The following CFH variants were observed in gnomAD, a reference collection of about 807,000 sequenced individuals.
CFH encodes H factor 1 (complement).
Under a neutral mutation model 147.3 loss-of-function variants are expected in CFH, and 53 were observed. The ratio of observed to expected loss-of-function variants is 0.36; its 90% CI spans 0.29 to 0.45. The LOEUF is 0.45. Ranked by LOEUF, CFH falls within the 20% of genes least tolerant of loss-of-function variation. The pLI is 1.00. For synonymous variants in CFH, 536 were observed against 489.4 expected, an observed-to-expected ratio of 1.10 and a Z score of -1.26; for missense variants, 1,380 against 1,498.0, an observed-to-expected ratio of 0.92 and a Z score of 1.30.
intron 1 of CFH, among the ~76,000 whole-genome samples, chr1:196,656,796 A>G (rs1666710061): frequency 6.6e-6 from 1 of 151,900 alleles, no homozygotes; most frequent in Admixed American, 6.6e-5. Context: ...TAGCTATTCA[A>G]ATACACATTT....
intron 1 of CFH, among the ~76,000 whole-genome samples, chr1:196,654,638 A>G (rs1328505482): frequency 6.6e-6 from 1 of 152,180 alleles, no homozygotes; most frequent in Non-Finnish European, 1.5e-5. Flanking sequence ...TACTATATGA[A>G]ATTAGGCCAC....
intron 4 of CFH, among the ~76,000 whole-genome samples, chr1:196,676,345 C>T (rs754533934): frequency 4.6e-5 from 7 of 151,754 alleles, no homozygotes; most frequent in East Asian, 3.9e-4. Context: ...TGACTAGAAA[C>T]GCATATAAGC....
intron 1 of CFH, 62 bp from the exon 2 acceptor site, chr1:196,672,916 C>T: frequency 7.2e-7 from 1 of 1,393,412 alleles, no homozygotes; most frequent in Non-Finnish European, 1.0e-6. Flanking sequence ...CAACAATTAC[C>T]TAAATATACT....
At chr1:196,743,177 G>A (rs1652870679) in intron 19 of CFH, among the ~76,000 whole-genome samples, 1 of 152,000 alleles carries the variant, frequency 6.6e-6, no homozygotes, top group Admixed American at 6.6e-5. Context: ...GAAAACTTTC[G>A]TTTACACTGG....
intron 14 of CFH, among the ~76,000 whole-genome samples, 158 bp from the exon 15 acceptor site, chr1:196,728,188 T>C (rs560513295): frequency 6.6e-6 from 1 of 152,162 alleles, no homozygotes; most frequent in Non-Finnish European, 1.5e-5. Context: ...AATAGCATTT[T>C]GATGCAATGT....
rs558543476 is a variant in CFH at position 196,694,286 on chromosome 1, G to A, written c.1336+4047G>A. ...TTTTCTGTTCCTGTGTTAGTTTGCT[G>A]AAGATGATGGTTTCCAGCTTCGTCC... On this transcript the variant is annotated intron_variant, in intron 9 of 21. Transcript: ENST00000367429. 5.3e-5 allele frequency among the ~76,000 whole-genome samples: 8 copies of A among 152,180 alleles called. No individual in the cohort carries two copies. The South Asian group carries it at 1.7e-3, about 32-fold the overall frequency.
At chr1:196,695,352 C>T (rs10922097) in intron 9 of CFH, among the ~76,000 whole-genome samples, 97,552 of 151,732 alleles carry the variant, frequency 0.64, 31,792 homozygotes, top group East Asian at 0.95. Context: ...CTCTGTTCTG[C>T]TCCATTGGCC....
At chr1:196,702,142 G>C (rs1476141754) in intron 9 of CFH, among the ~76,000 whole-genome samples, 1 of 152,110 alleles carries the variant, frequency 6.6e-6, no homozygotes, top group African/African-American at 2.4e-5. Flanking sequence ...TCAGTTAAAG[G>C]AACCTATGAC....
At position 196,736,761 on chromosome 1, in the gene CFH, A is replaced by G. The variant is rs936722185; in HGVS notation, c.2414-63A>G. On this transcript the variant is annotated intron_variant, in intron 15 of 21. Coordinates refer to ENST00000367429, the MANE Select transcript of CFH (RefSeq NM_000186.4). Reference sequence around the variant, plus strand: ...AAATTATTTTTCATCAAAAATTCTAATTTTAATATTTTTATTTTTTATTTT... The same window carrying G: ...AAATTATTTTTCATCAAAAATTCTAGTTTTAATATTTTTATTTTTTATTTT... The G allele has an allele frequency of 1.4e-5, 12 of 846,770 alleles. No homozygotes were observed. The African/African-American group carries it at 2.0e-4, about 14-fold the overall frequency. 52.5% of individuals were successfully genotyped at this position (846,770 alleles called of 1,614,324 possible). A position where few individuals can be genotyped will look rare whatever the true frequency, so the allele number is the denominator to read the frequency against.
chr1:196,660,705 G>T (rs952489189), intron 1 of CFH, among the ~76,000 whole-genome samples: 1 of 152,040 alleles, frequency 6.6e-6, no homozygotes, highest in African/African-American at 2.4e-5. Flanking sequence ...GAAGAGAAAA[G>T]GTAATCAATA....
Position 196,677,571 on chromosome 1 carries a change from C to T in CFH, c.523C>T (p.Arg175Trp), listed in dbSNP as rs1300493671. The change falls in exon 5 of 22, where the codon CGG becomes TGG. Residue 175 changes from arginine to tryptophan, a missense_variant. Arg to Trp is a moderately radical substitution (Grantham distance 101). Transcript: ENST00000367429. The part of the protein sequence containing the change: ...DREYHFGQAV[R>W]FVCNSGYKIE... ...GGAATACCATTTTGGACAAGCAGTA[C>T]GGTTTGTATGTAACTCAGGCTACAA... is the stretch of plus-strand genomic sequence containing the variant. 19 of 1,612,908 alleles carry T rather than the reference C, an allele frequency of 1.2e-5. No individual in the cohort carries two copies. The highest frequency in any genetic ancestry group is 4.5e-5 in the East Asian group (2 of 44,780).
At chr1:196,703,165 A>C (rs561973342) in intron 9 of CFH, among the ~76,000 whole-genome samples, 1 of 152,354 alleles carries the variant, frequency 6.6e-6, no homozygotes, top group South Asian at 2.1e-4. Flanking sequence ...CTGACTTGTT[A>C]TCTGTGGCTC....
intron 9 of CFH, among the ~76,000 whole-genome samples, chr1:196,707,101 C>T (rs891218095): frequency 6.6e-6 from 1 of 151,982 alleles, no homozygotes; most frequent in African/African-American, 2.4e-5. Context: ...AATCTGGAAT[C>T]TTCATACAGC....
intron 9 of CFH, 144 bp downstream of exon 9, chr1:196,690,383 C>G: frequency 8.9e-7 from 1 of 1,122,114 alleles, no homozygotes; most frequent in Non-Finnish European, 1.3e-6. Context: ...TTTGGTTTTT[C>G]AACTGTGTAT....
intron 1 of CFH, among the ~76,000 whole-genome samples, chr1:196,656,718 C>A (rs555993096): frequency 6.9e-6 from 1 of 145,240 alleles, no homozygotes; most frequent in South Asian, 2.2e-4. Flanking sequence ...TTTCAGGGTC[C>A]TAATTGTACT....
At chr1:196,697,086 T>C (rs1007296391) in intron 9 of CFH, among the ~76,000 whole-genome samples, 1 of 152,154 alleles carries the variant, frequency 6.6e-6, no homozygotes, top group Non-Finnish European at 1.5e-5. Context: ...ATTCAGGACA[T>C]AGGCATGGGC....
rs116556176 is a variant in CFH at position 196,700,957 on chromosome 1, C to T, written c.1336+10718C>T. 8.1e-4 allele frequency: 572 copies of T among 707,006 alleles called. 5 individuals are homozygous for T. In the Middle Eastern group the frequency reaches 0.014, roughly 17 times the overall value. 43.8% of individuals were successfully genotyped at this position (707,006 alleles called of 1,614,324 possible). ...CCTTCTGTGTGTGTGTGCCTGTTTT[C>T]GTCTTAGAGGTCTTGTGGCCTCTTT... is the stretch of plus-strand genomic sequence containing the variant. On this transcript the variant is annotated intron_variant, in intron 9 of 21. Coordinates refer to ENST00000367429, the MANE Select transcript of CFH (RefSeq NM_000186.4).
intron 9 of CFH, among the ~76,000 whole-genome samples, chr1:196,712,332 C>G (rs1298088230): frequency 6.6e-6 from 1 of 151,516 alleles, no homozygotes; most frequent in African/African-American, 2.4e-5. Flanking sequence ...TATACTCATG[C>G]TGGATTTTGT....
At chr1:196,729,425 A>G (rs1669229261) in intron 15 of CFH, among the ~76,000 whole-genome samples, 1 of 151,924 alleles carries the variant, frequency 6.6e-6, no homozygotes, top group Non-Finnish European at 1.5e-5. Flanking sequence ...CGACCTTTAC[A>G]TTTCTTGGAT....
Sources: allele counts gnomAD v4.1 joint callset (sites outside exome capture counted in the v4.1 genomes callset), GRCh38; gene constraint gnomAD v4.1.1; transcripts MANE v1.5; gene names NCBI Gene and HGNC (gene_info 2026-07-23, HGNC 2026-07-21).